The following FAF1 variants were observed in gnomAD, a reference collection of about 807,000 sequenced individuals.
The protein encoded by FAF1 is FAS-associated factor 1.
FAF1 carries 25 observed loss-of-function variants against 92.5 expected under a neutral mutation model. That is an observed-to-expected ratio of 0.27 (90% CI 0.20 to 0.38). FAF1 has a LOEUF of 0.38. Ranked by LOEUF, FAF1 falls within the 10% of genes least tolerant of loss-of-function variation. The pLI, the probability that FAF1 is intolerant of heterozygous loss-of-function variation, is 1.00. For synonymous variants in FAF1, 234 were observed against 273.2 expected (o/e 0.86, Z 1.42); for missense variants, 636 against 793.3 (o/e 0.80, Z 2.38).
At chr1:50,667,114 T>A (rs913814437) in intron 7 of FAF1, among the ~76,000 whole-genome samples, 1 of 152,118 alleles carries the variant, frequency 6.6e-6, no homozygotes, top group Non-Finnish European at 1.5e-5. Flanking sequence ...GGGGGCAGAG[T>A]TCCTGGTGTC....
At chr1:50,899,212 T>C (rs998152532) in intron 1 of FAF1, among the ~76,000 whole-genome samples, 3 of 152,212 alleles carry the variant, frequency 2.0e-5, no homozygotes, top group Admixed American at 2.0e-4. Flanking sequence ...CTGAAGATGT[T>C]TGATTTAGGA....
intron 12 of FAF1, among the ~76,000 whole-genome samples, chr1:50,574,483 T>G (rs995209194): frequency 6.6e-6 from 1 of 152,128 alleles, no homozygotes; most frequent in African/African-American, 2.4e-5. Flanking sequence ...GCAGGAAGGA[T>G]TTTTCTAACC....
At chr1:50,864,541 C>A (rs1002978287) in intron 1 of FAF1, among the ~76,000 whole-genome samples, 1 of 151,934 alleles carries the variant, frequency 6.6e-6, no homozygotes, top group Non-Finnish European at 1.5e-5. Context: ...CACCACATAT[C>A]TACAACTATC....
rs533175411 is a variant in FAF1 at position 50,894,317 on chromosome 1, A to C, written c.46-36320T>G. Among the ~76,000 whole-genome samples, 593 of 144,596 alleles carry C rather than the reference A, an allele frequency of 4.1e-3. 8 individuals are homozygous for C. The highest frequency in any genetic ancestry group is 0.015 in the African/African-American group (530 of 35,438). 94.9% of individuals were successfully genotyped at this position (144,596 alleles called of 152,430 possible). A position where few individuals can be genotyped will look rare whatever the true frequency, so the allele number is the denominator to read the frequency against. ...CTGTCTCAAAATTAAAAAAAAAAAA[A>C]AAAAAAAAAAAAACTCCAAGGGCTC... is the stretch of plus-strand genomic sequence containing the variant. On this transcript the variant is annotated intron_variant, in intron 1 of 18. Coordinates refer to ENST00000396153, the MANE Select transcript of FAF1 (RefSeq NM_007051.3).
chr1:50,602,351 CTGA>C (rs1652179721), intron 8 of FAF1, among the ~76,000 whole-genome samples: 2 of 152,150 alleles, frequency 1.3e-5, no homozygotes, highest in African/African-American at 2.4e-5. Context: ...CTACACTGCA[CTGA>C]TGATCTTTTT....
At chr1:50,807,787 C>A (rs548155993) in intron 2 of FAF1, among the ~76,000 whole-genome samples, 1 of 152,294 alleles carries the variant, frequency 6.6e-6, no homozygotes, top group Non-Finnish European at 1.5e-5. Flanking sequence ...ACCAAATCTA[C>A]ATCTCATTGG....
At chr1:50,491,931 T>C (rs938666481) in intron 15 of FAF1, 130 bp from the exon 16 acceptor site, 4 of 643,270 alleles carry the variant, frequency 6.2e-6, no homozygotes, top group Non-Finnish European at 1.1e-5. Context: ...TTTTAAAGTG[T>C]ATAGGACATA....
chr1:50,819,708 TATATATACGTATATATATATAC>T (rs1644017785), intron 2 of FAF1, among the ~76,000 whole-genome samples: 2 of 36,902 alleles, frequency 5.4e-5, no homozygotes, highest in African/African-American at 1.7e-4. Flanking sequence ...TATATACATA[TATATATACGTATATATATATAC>T]ATATATATAC....
At chr1:50,793,663 C>T (rs975568233) in intron 3 of FAF1, among the ~76,000 whole-genome samples, 2 of 152,172 alleles carry the variant, frequency 1.3e-5, no homozygotes, top group Non-Finnish European at 2.9e-5. Flanking sequence ...AGCACTGGGA[C>T]GTGCATTTTG....
chr1:50,570,130 C>T (rs1161568293), intron 12 of FAF1, among the ~76,000 whole-genome samples: 1 of 152,006 alleles, frequency 6.6e-6, no homozygotes, highest in Admixed American at 6.6e-5. Context: ...GTGATTAGGC[C>T]CTTAGAATAA....
chr1:50,872,699 C>T (rs1644538130), intron 1 of FAF1, among the ~76,000 whole-genome samples: 1 of 152,046 alleles, frequency 6.6e-6, no homozygotes, highest in Non-Finnish European at 1.5e-5. Context: ...GAGTTCGAGA[C>T]CAGGCTGCCC....
rs779127003 is a variant in FAF1 at position 50,885,178 on chromosome 1, G to A, written c.46-27181C>T. On this transcript the variant is annotated intron_variant, in intron 1 of 18. Transcript: ENST00000396153. Reference sequence around the variant, plus strand: ...TCTGTCTTTTCTTAGTCTGGCTAAAGATTTGTCAATATTGTTTATCTTTTC... The same window carrying A: ...TCTGTCTTTTCTTAGTCTGGCTAAAAATTTGTCAATATTGTTTATCTTTTC... Among the ~76,000 whole-genome samples the A allele has an allele frequency of 5.9e-5, 9 of 152,124 alleles. No individual in the cohort carries two copies. The South Asian group carries it at 6.2e-4, about 11-fold the overall frequency.
At chr1:50,613,063 C>T (rs945824672) in intron 8 of FAF1, among the ~76,000 whole-genome samples, 1 of 152,186 alleles carries the variant, frequency 6.6e-6, no homozygotes, top group Non-Finnish European at 1.5e-5. Flanking sequence ...GTCTAATGCT[C>T]TAACTTATAT....
At chr1:50,618,590 T>C (rs1485877498) in intron 8 of FAF1, among the ~76,000 whole-genome samples, 1 of 151,842 alleles carries the variant, frequency 6.6e-6, no homozygotes. Context: ...TGCCAAAAAC[T>C]TGTTTTATGA....
At chr1:50,751,071 G>A (rs185221021) in intron 4 of FAF1, among the ~76,000 whole-genome samples, 18 of 135,122 alleles carry the variant, frequency 1.3e-4, no homozygotes, top group African/African-American at 4.8e-4. Flanking sequence ...ATTATAAGCT[G>A]TTAAACAAGC....
At chr1:50,613,222 A>G (rs1263834988) in intron 8 of FAF1, among the ~76,000 whole-genome samples, 4 of 152,242 alleles carry the variant, frequency 2.6e-5, no homozygotes, top group African/African-American at 9.6e-5. Flanking sequence ...TAGAGTTTAA[A>G]TAACTATCTG....
chr1:50,923,044 C>G (rs1239253605), intron 1 of FAF1, among the ~76,000 whole-genome samples: 2 of 151,966 alleles, frequency 1.3e-5, no homozygotes, highest in Non-Finnish European at 2.9e-5. Context: ...TTTCTAGATA[C>G]AGATAACTAC....
intron 1 of FAF1, among the ~76,000 whole-genome samples, chr1:50,931,836 T>C (rs1645049322): frequency 6.6e-6 from 1 of 151,220 alleles, no homozygotes; most frequent in South Asian, 2.1e-4. Flanking sequence ...ATCGTGCCAC[T>C]GCACTCCAGC....
At chr1:50,458,846 C>T (rs756343546) in intron 18 of FAF1, among the ~76,000 whole-genome samples, 15 of 152,286 alleles carry the variant, frequency 9.8e-5, no homozygotes, top group East Asian at 1.9e-4. Context: ...TATCCTTATC[C>T]TACAGCGAGG....
Sources: allele counts gnomAD v4.1 joint callset (sites outside exome capture counted in the v4.1 genomes callset), GRCh38; gene constraint gnomAD v4.1.1; transcripts MANE v1.5; gene names NCBI Gene and HGNC (gene_info 2026-07-23, HGNC 2026-07-21).